The following ACER3 variants were observed in gnomAD, a reference collection of about 807,000 sequenced individuals.
ACER3 encodes the protein alkaline ceramidase 3, also known as alkCDase 3.
Under a neutral mutation model 48.9 loss-of-function variants are expected in ACER3, and 16 were observed. The ratio of observed to expected loss-of-function variants is 0.33; its 90% CI spans 0.22 to 0.50. The LOEUF (loss-of-function observed/expected upper bound fraction) is 0.50, where lower values mean the gene tolerates loss of function less well. ACER3 is among the 20% of genes least tolerant of loss of function. The pLI is 0.98. For missense variants in ACER3, 227 were observed against 326.0 expected, an observed-to-expected ratio of 0.70 and a Z score of 2.34; for synonymous variants, 109 against 107.8, an observed-to-expected ratio of 1.01 and a Z score of -0.07.
intron 2 of ACER3, among the ~76,000 whole-genome samples, chr11:76,930,839 A>G (rs1946979771): frequency 6.6e-6 from 1 of 152,056 alleles, no homozygotes; most frequent in Non-Finnish European, 1.5e-5. Flanking sequence ...ACAGTTTGTT[A>G]TAATTTCTGT....
At chr11:77,003,689 A>C (rs116873354) in intron 7 of ACER3, among the ~76,000 whole-genome samples, 2,887 of 152,274 alleles carry the variant, frequency 0.019, 55 homozygotes, top group Middle Eastern at 0.034. Context: ...TAGTGCTATA[A>C]ATTTTCCTCT....
At chr11:76,962,680 G>A (rs940210499) in intron 3 of ACER3, among the ~76,000 whole-genome samples, 21 of 151,518 alleles carry the variant, frequency 1.4e-4, no homozygotes, top group Middle Eastern at 3.4e-3. Flanking sequence ...AGGACAAGTC[G>A]AAAAATAATG....
At chr11:76,892,570 T>G (rs1427027274) in intron 1 of ACER3, among the ~76,000 whole-genome samples, 1 of 152,150 alleles carries the variant, frequency 6.6e-6, no homozygotes, top group Non-Finnish European at 1.5e-5. Context: ...TTTCAGACCT[T>G]TAAAAGCTGA....
At chr11:76,932,081 T>C (rs1947015388) in intron 2 of ACER3, among the ~76,000 whole-genome samples, 1 of 151,810 alleles carries the variant, frequency 6.6e-6, no homozygotes, top group African/African-American at 2.4e-5. Flanking sequence ...CCCAAGTAGC[T>C]GGGACCACAG....
chr11:76,931,828 G>A (rs909586981), intron 2 of ACER3, among the ~76,000 whole-genome samples: 4 of 152,126 alleles, frequency 2.6e-5, no homozygotes, highest in African/African-American at 9.7e-5. Context: ...TTTCTGCTGA[G>A]AGATCAGCTG....
intron 1 of ACER3, among the ~76,000 whole-genome samples, chr11:76,906,241 G>A (rs974629155): frequency 5.3e-5 from 8 of 152,202 alleles, no homozygotes; most frequent in Non-Finnish European, 4.4e-5. Context: ...ATTATGGGAG[G>A]GGCCTGAATT....
intron 3 of ACER3, among the ~76,000 whole-genome samples, chr11:76,960,574 C>T (rs757661994): frequency 1.3e-5 from 2 of 152,062 alleles, no homozygotes; most frequent in Non-Finnish European, 2.9e-5. Flanking sequence ...AGGCTTATTT[C>T]AAGTGCTCAG....
intron 4 of ACER3, among the ~76,000 whole-genome samples, chr11:76,985,074 A>G (rs1006873786): frequency 3.9e-5 from 6 of 151,914 alleles, no homozygotes; most frequent in African/African-American, 1.5e-4. Context: ...CTACTTCTTC[A>G]TTCAATTTGG....
chr11:76,943,019 A>T lies in ACER3; in HGVS notation c.215-15960A>T, dbSNP rs537200605. 3.3e-5 allele frequency among the ~76,000 whole-genome samples: 5 copies of T among 151,832 alleles called. No homozygotes were observed. The East Asian group carries it at 7.7e-4, about 23-fold the overall frequency. On this transcript the variant is annotated intron_variant, in intron 2 of 10. Transcript: ENST00000532485. Reference sequence around the variant, plus strand: ...TTGTATTTTTGTGGTATCAATTGTAATGTCTCCCTTTTCATTTCTGATTTT... The same window carrying T: ...TTGTATTTTTGTGGTATCAATTGTATTGTCTCCCTTTTCATTTCTGATTTT...
At chr11:76,908,836 A>G (rs190355961) in intron 1 of ACER3, among the ~76,000 whole-genome samples, 1 of 152,310 alleles carries the variant, frequency 6.6e-6, no homozygotes, top group African/African-American at 2.4e-5. Context: ...AAAAAGAACA[A>G]AGCTGGAGGC....
intron 1 of ACER3, among the ~76,000 whole-genome samples, chr11:76,889,081 A>G (rs1478495030): frequency 6.6e-6 from 1 of 152,198 alleles, no homozygotes; most frequent in Non-Finnish European, 1.5e-5. Flanking sequence ...TAGCCCCACA[A>G]GCATCTCAGC....
chr11:76,876,291 A>G (rs546326715), intron 1 of ACER3, among the ~76,000 whole-genome samples: 3 of 147,412 alleles, frequency 2.0e-5, no homozygotes, highest in Admixed American at 1.3e-4. Flanking sequence ...TTTCCCTACC[A>G]TAGATTAGGT....
intron 3 of ACER3, among the ~76,000 whole-genome samples, chr11:76,960,396 A>G (rs942382160): frequency 6.6e-6 from 1 of 151,954 alleles, no homozygotes; most frequent in Non-Finnish European, 1.5e-5. Flanking sequence ...CGACAGAGCA[A>G]GACTCTGTCT....
intron 1 of ACER3, among the ~76,000 whole-genome samples, chr11:76,873,327 CTGTT>C (rs1226114675): frequency 6.6e-6 from 1 of 152,152 alleles, no homozygotes; most frequent in African/African-American, 2.4e-5. Flanking sequence ...AGTGTTATCT[CTGTT>C]TGTATGTAAG....
intron 6 of ACER3, among the ~76,000 whole-genome samples, chr11:76,992,059 A>G (rs1427403849): frequency 6.6e-6 from 1 of 151,780 alleles, no homozygotes; most frequent in Non-Finnish European, 1.5e-5. Context: ...AAAAAAAGAA[A>G]AAAAAAATCG....
At chr11:76,933,978 G>A (rs1205826007) in intron 2 of ACER3, among the ~76,000 whole-genome samples, 1 of 151,874 alleles carries the variant, frequency 6.6e-6, no homozygotes, top group Non-Finnish European at 1.5e-5. Context: ...CGGGGTCGCG[G>A]CTGTGCAGAC....
Position 76,867,630 on chromosome 11 carries a change from G to A in ACER3, c.103+6551G>A, listed in dbSNP as rs143306735. ...GAATGTCCAAGAATTGACATATTAT[G>A]ATGAAGGGTTTATTTATCAGAAAGC... is the stretch of plus-strand genomic sequence containing the variant. On this transcript the variant is annotated intron_variant, in intron 1 of 10. Transcript: ENST00000532485. 1.2e-3 allele frequency among the ~76,000 whole-genome samples: 186 copies of A among 152,148 alleles called. 2 individuals carry two copies. The highest frequency in any genetic ancestry group is 4.4e-3 in the African/African-American group (181 of 41,508).
At chr11:76,924,947 GC>G (rs386755184) in intron 1 of ACER3, among the ~76,000 whole-genome samples, 3 of 132,026 alleles carry the variant, frequency 2.3e-5, no homozygotes, top group African/African-American at 8.5e-5. Context: ...CTGCACTCCA[GC>G]CTGGGCAACA....
intron 1 of ACER3, among the ~76,000 whole-genome samples, chr11:76,885,200 C>G (rs561429292): frequency 4.6e-5 from 7 of 152,264 alleles, no homozygotes; most frequent in African/African-American, 1.7e-4. Context: ...ATGCTAGGCA[C>G]TTAATTTAAA....
Sources: gnomAD v4.1 joint callset for allele counts (sites outside exome capture counted in the v4.1 genomes callset) on GRCh38, gnomAD v4.1.1 for gene constraint, MANE v1.5 for transcripts, NCBI Gene and HGNC (gene_info 2026-07-23, HGNC 2026-07-21) for gene names.